The following PXT1 variants were observed in gnomAD, a reference collection of about 807,000 sequenced individuals.
PXT1 encodes the protein peroxisomal testis-specific protein 1.
Under a neutral mutation model 11.0 loss-of-function variants are expected in PXT1, and 11 were observed. That is an observed-to-expected ratio of 1.00 (90% CI 0.63 to 1.66). The LOEUF (loss-of-function observed/expected upper bound fraction) is 1.66, where lower values mean the gene tolerates loss of function less well. Ranked by LOEUF, PXT1 falls within the 40% of genes most tolerant of loss-of-function variation. The pLI is 0.00. For synonymous variants in PXT1, 43 were observed against 51.4 expected, an observed-to-expected ratio of 0.84 and a Z score of 0.70; for missense variants, 141 against 155.5, an observed-to-expected ratio of 0.91 and a Z score of 0.49.
At position 36,426,054 on chromosome 6, in the gene PXT1, T is replaced by C. The variant is rs1173724060; in HGVS notation, c.29A>G (p.Tyr10Cys). The change falls in exon 3 of 5, where the codon TAT becomes TGT. Residue 10 changes from tyrosine to cysteine, a missense_variant. Coordinates refer to ENST00000454782, the MANE Select transcript of PXT1 (RefSeq NM_152990.4). MKKKHDGIV[Y>C]ETKEVLNPSP... is the part of the protein sequence containing the mutation. ...TGGATTGAGAACTTCTTTAGTTTCA[T>C]AAACAATGCCATCATGTTTTTTCTT... The C allele has an allele frequency of 2.6e-6, 4 of 1,518,190 alleles. No homozygotes were observed. The highest frequency in any genetic ancestry group is 2.8e-5 in the African/African-American group (2 of 72,060). The allele number at this position is 1,518,190 out of a possible 1,614,324, so 94.0% of individuals were successfully genotyped here.
At chr6:36,395,493 ATTTTTTTT>A (rs148553371) in intron 4 of PXT1, among the ~76,000 whole-genome samples, 5 of 73,346 alleles carry the variant, frequency 6.8e-5, no homozygotes, top group East Asian at 1.1e-3. Flanking sequence ...CAAACTTAGG[ATTTTTTTT>A]TTTTTTTTTT....
intron 3 of PXT1, among the ~76,000 whole-genome samples, chr6:36,423,548 G>A (rs190283049): frequency 2.6e-5 from 4 of 152,254 alleles, no homozygotes. Flanking sequence ...GAGTTAGGGA[G>A]GCCGGGTTCC....
intron 4 of PXT1, among the ~76,000 whole-genome samples, chr6:36,394,773 C>G (rs950660268): frequency 6.6e-6 from 1 of 151,660 alleles, no homozygotes; most frequent in African/African-American, 2.4e-5. Flanking sequence ...GAACCAAAAC[C>G]CCACACAACT....
intron 3 of PXT1, among the ~76,000 whole-genome samples, chr6:36,412,964 C>A (rs1221932108): frequency 2.0e-5 from 3 of 147,992 alleles, no homozygotes; most frequent in Non-Finnish European, 4.5e-5. Flanking sequence ...GAAAGAAAAT[C>A]AGAAGTTGAA....
intron 4 of PXT1, among the ~76,000 whole-genome samples, chr6:36,394,915 C>A (rs1774122126): frequency 6.6e-6 from 1 of 152,080 alleles, no homozygotes; most frequent in Non-Finnish European, 1.5e-5. Flanking sequence ...AATCCTCCCA[C>A]TTCAGCCTCC....
intron 3 of PXT1, among the ~76,000 whole-genome samples, chr6:36,425,107 T>C (rs1400603185): frequency 6.6e-6 from 1 of 152,212 alleles, no homozygotes; most frequent in Non-Finnish European, 1.5e-5. Context: ...CACTGTCCTT[T>C]AATGCTCTTC....
intron 2 of PXT1, among the ~76,000 whole-genome samples, chr6:36,434,672 T>C (rs917879903): frequency 2.6e-5 from 4 of 152,186 alleles, no homozygotes; most frequent in Admixed American, 6.5e-5. Flanking sequence ...TATAAGAGAA[T>C]CAATAATCAT....
chr6:36,416,412 T>A (rs1483811442), intron 3 of PXT1, among the ~76,000 whole-genome samples: 1 of 152,160 alleles, frequency 6.6e-6, no homozygotes, highest in Non-Finnish European at 1.5e-5. Context: ...AGACCACCCT[T>A]ATTCCTCCCC....
intron 3 of PXT1, among the ~76,000 whole-genome samples, chr6:36,418,422 T>G (rs534327334): frequency 1.2e-4 from 18 of 152,154 alleles, no homozygotes; most frequent in African/African-American, 3.9e-4. Context: ...TGACTTTGTA[T>G]TCATTCATTT....
At chr6:36,439,662 A>C (rs1202475109) in intron 1 of PXT1, among the ~76,000 whole-genome samples, 2 of 126,428 alleles carry the variant, frequency 1.6e-5, no homozygotes, top group Non-Finnish European at 3.4e-5. Flanking sequence ...AAAAAAAAAA[A>C]CAACTAAGCA....
intron 3 of PXT1, among the ~76,000 whole-genome samples, chr6:36,421,773 T>A (rs929516618): frequency 6.6e-6 from 1 of 152,324 alleles, no homozygotes; most frequent in Non-Finnish European, 1.5e-5. Context: ...CTAGCTTAGT[T>A]TCTACAAACT....
chr6:36,435,672 A>G (rs1774752332), intron 2 of PXT1, among the ~76,000 whole-genome samples: 1 of 152,180 alleles, frequency 6.6e-6, no homozygotes, highest in Admixed American at 6.5e-5. Context: ...GACCTAAACC[A>G]ATATACACAC....
At chr6:36,394,837 T>C (rs1303219039) in intron 4 of PXT1, among the ~76,000 whole-genome samples, 3 of 152,038 alleles carry the variant, frequency 2.0e-5, no homozygotes, top group Non-Finnish European at 4.4e-5. Context: ...GGTCTCCCTC[T>C]GTCACCCATG....
chr6:36,395,493 A>ATTTTTTT (rs148553371), intron 4 of PXT1, among the ~76,000 whole-genome samples: 4 of 73,344 alleles, frequency 5.5e-5, no homozygotes, highest in Non-Finnish European at 9.4e-5. Flanking sequence ...CAAACTTAGG[A>ATTTTTTT]TTTTTTTTTT....
chr6:36,395,726 G>A (rs1345376209), intron 4 of PXT1, among the ~76,000 whole-genome samples: 8 of 151,998 alleles, frequency 5.3e-5, no homozygotes, highest in African/African-American at 1.7e-4. Context: ...TAGGCTGAGC[G>A]CGGTGGCTCA....
At chr6:36,436,282 A>G (rs778154345) in intron 2 of PXT1, among the ~76,000 whole-genome samples, 32 of 152,144 alleles carry the variant, frequency 2.1e-4, no homozygotes, top group Non-Finnish European at 3.7e-4. Flanking sequence ...ACCTGATGGG[A>G]TTTCTGTTTT....
intron 3 of PXT1, among the ~76,000 whole-genome samples, chr6:36,404,716 G>A (rs1774264047): frequency 6.6e-6 from 1 of 151,770 alleles, no homozygotes; most frequent in Non-Finnish European, 1.5e-5. Context: ...CCAGCACTTT[G>A]GGAGGCCAAG....
intron 3 of PXT1, among the ~76,000 whole-genome samples, chr6:36,413,657 T>C (rs1235184995): frequency 2.0e-5 from 3 of 152,160 alleles, no homozygotes; most frequent in African/African-American, 7.2e-5. Context: ...TTATAAACAA[T>C]TATTTTCAAT....
chr6:36,394,851 A>C (rs1465913706), intron 4 of PXT1, among the ~76,000 whole-genome samples: 3 of 151,990 alleles, frequency 2.0e-5, no homozygotes, highest in East Asian at 3.9e-4. Context: ...ACCCATGTTG[A>C]AGTGCAGTGA....
Sources: gnomAD v4.1 joint callset for allele counts (sites outside exome capture counted in the v4.1 genomes callset) on GRCh38, gnomAD v4.1.1 for gene constraint, MANE v1.5 for transcripts, NCBI Gene and HGNC (gene_info 2026-07-23, HGNC 2026-07-21) for gene names.